Variants in HSD17B14 observed in about 807,000 individuals in gnomAD.
HSD17B14 encodes the protein hydroxysteroid 17-beta dehydrogenase 14, also known as L-fucose dehydrogenase.
Under a neutral mutation model 32.2 loss-of-function variants are expected in HSD17B14, and 32 were observed. The observed-to-expected ratio is 0.99, with a 90% CI of 0.75 to 1.33. The LOEUF (loss-of-function observed/expected upper bound fraction) is 1.33, where lower values mean the gene tolerates loss of function less well. Among genes scored for constraint, HSD17B14 ranks in the 40% most tolerant of loss-of-function variants. The pLI is 0.00. For synonymous variants in HSD17B14, 140 were observed against 155.4 expected (o/e 0.90, Z 0.74); for missense variants, 370 against 366.5 (o/e 1.01, Z -0.08).
intron 5 of HSD17B14, among the ~76,000 whole-genome samples, chr19:48,818,361 C>A (rs1373057219): frequency 2.0e-5 from 3 of 150,844 alleles, no homozygotes; most frequent in Non-Finnish European, 4.4e-5. Flanking sequence ...CTAATATGAA[C>A]GTGAATGATG....
intron 5 of HSD17B14, among the ~76,000 whole-genome samples, chr19:48,817,420 C>A (rs998956713): frequency 3.9e-5 from 6 of 152,078 alleles, no homozygotes; most frequent in Non-Finnish European, 8.8e-5. Context: ...GTCAAGTAAT[C>A]TGCCTGCTTC....
chr19:48,830,308 C>T (rs984859007), intron 5 of HSD17B14, among the ~76,000 whole-genome samples: 3 of 152,120 alleles, frequency 2.0e-5, no homozygotes, highest in Non-Finnish European at 2.9e-5. Context: ...ACCCTAAGCC[C>T]CCGCGTTTCT....
chr19:48,832,845 C>T, intron 3 of HSD17B14, 113 bp from the exon 4 acceptor site: 2 of 876,120 alleles, frequency 2.3e-6, no homozygotes, highest in Non-Finnish European at 3.7e-6. Flanking sequence ...CTTCAGCCTC[C>T]TGCGTTCAAG....
At chr19:48,827,859 C>CTT (rs529419306) in intron 5 of HSD17B14, among the ~76,000 whole-genome samples, 104 of 128,474 alleles carry the variant, frequency 8.1e-4, no homozygotes, top group African/African-American at 2.2e-3. Context: ...TTTTTTTTTT[C>CTT]TTTTTTTTTT....
intron 3 of HSD17B14, 25 bp from the exon 4 acceptor site, chr19:48,832,757 G>A: frequency 7.1e-7 from 1 of 1,413,486 alleles, no homozygotes; most frequent in Non-Finnish European, 9.7e-7. Flanking sequence ...AATGTCCTTT[G>A]TTTTTTTTTT....
chr19:48,820,172 C>T (rs2035121783), intron 5 of HSD17B14, among the ~76,000 whole-genome samples: 1 of 151,130 alleles, frequency 6.6e-6, no homozygotes, highest in Admixed American at 6.6e-5. Context: ...AAAAACAAAC[C>T]GAAAAAGAAC....
chr19:48,834,488 T>TG lies in HSD17B14; in HGVS notation c.128-131dup, dbSNP rs1462408526. 3.3e-3 allele frequency: 1,514 copies of TG among 463,228 alleles called. 1 individual carries two copies. The highest frequency in any genetic ancestry group is 0.012 in the East Asian group (284 of 23,654). 28.7% of individuals were successfully genotyped at this position (463,228 alleles called of 1,614,324 possible). ...CTCCTGGGTCTGAGGGAGGAGGGGC[T>TG]GAGGTCTGGACTCCTGGGTCTGAGG... On this transcript the variant is annotated intron_variant, in intron 2 of 8. Coordinates refer to ENST00000263278, the MANE Select transcript of HSD17B14 (RefSeq NM_016246.3).
At chr19:48,815,801 C>G (rs1170447083) in intron 5 of HSD17B14, among the ~76,000 whole-genome samples, 2 of 151,914 alleles carry the variant, frequency 1.3e-5, no homozygotes, top group East Asian at 1.9e-4. Flanking sequence ...GTGGGTGGAT[C>G]ATCTGAGGTC....
At position 48,831,835 on chromosome 19, in the gene HSD17B14, T is replaced by G. The variant is rs192494470; in HGVS notation, c.278-76A>C. On this transcript the variant is annotated intron_variant, in intron 4 of 8. Transcript: ENST00000263278. ...TTGCCCACGCCTGTAATCCCAGCACTTTGGGAGGCTGAGGCAGGCGGATCA... is the reference window on the plus strand; with the variant it reads ...TTGCCCACGCCTGTAATCCCAGCACGTTGGGAGGCTGAGGCAGGCGGATCA... 26 of 834,886 alleles carry G rather than the reference T, an allele frequency of 3.1e-5. No individual in the cohort carries two copies. The East Asian group carries it at 3.7e-4, about 12-fold the overall frequency. 51.7% of individuals were successfully genotyped at this position (834,886 alleles called of 1,614,324 possible).
At chr19:48,816,207 T>G (rs922677986) in intron 5 of HSD17B14, among the ~76,000 whole-genome samples, 1 of 152,078 alleles carries the variant, frequency 6.6e-6, no homozygotes, top group African/African-American at 2.4e-5. Flanking sequence ...CTTAGAAAGC[T>G]GAGCTGGCCA....
chr19:48,816,932 T>A (rs763182826), intron 5 of HSD17B14, among the ~76,000 whole-genome samples: 2 of 151,444 alleles, frequency 1.3e-5, no homozygotes, highest in Non-Finnish European at 1.5e-5. Flanking sequence ...ACTTCCCAGG[T>A]TCAAGCAATT....
At chr19:48,816,807 C>CTT (rs1247318166) in intron 5 of HSD17B14, among the ~76,000 whole-genome samples, 2 of 118,214 alleles carry the variant, frequency 1.7e-5, no homozygotes, top group African/African-American at 7.3e-5. Context: ...TTCTTTCTTT[C>CTT]TTTCTTTCTT....
At chr19:48,815,822 G>A (rs891459260) in intron 5 of HSD17B14, among the ~76,000 whole-genome samples, 1 of 152,004 alleles carries the variant, frequency 6.6e-6, no homozygotes, top group African/African-American at 2.4e-5. Flanking sequence ...AGAATTTTGA[G>A]ACCAGCCTGG....
chr19:48,832,017 G>A (rs1191822574), intron 4 of HSD17B14, among the ~76,000 whole-genome samples: 2 of 149,064 alleles, frequency 1.3e-5, no homozygotes, highest in Non-Finnish European at 3.0e-5. Flanking sequence ...GGTGCAGGTT[G>A]CAGTGAGCCT....
rs1407321951 is a variant in HSD17B14 at position 48,831,534 on chromosome 19, CAG to C, written c.369+132_369+133del. ...CACCACTGTCCTCCAGCCTGGGCGA[CAG>C]AGAGAGACCCTGTCTCCAACAAACA... On this transcript the variant is annotated intron_variant, in intron 5 of 8. Transcript: ENST00000263278. 6.9e-6 allele frequency: 5 copies of C among 724,248 alleles called. No homozygotes were observed. The Admixed American group carries it at 9.5e-5, about 14-fold the overall frequency. 44.9% of individuals were successfully genotyped at this position (724,248 alleles called of 1,614,324 possible).
intron 5 of HSD17B14, among the ~76,000 whole-genome samples, chr19:48,819,134 G>A (rs1457884853): frequency 1.3e-5 from 2 of 152,044 alleles, no homozygotes; most frequent in East Asian, 1.9e-4. Flanking sequence ...GATTACGGGC[G>A]CCTACCACCA....
At chr19:48,814,793 T>C (rs531027309) in intron 6 of HSD17B14, among the ~76,000 whole-genome samples, 1 of 150,084 alleles carries the variant, frequency 6.7e-6, no homozygotes, top group Admixed American at 6.7e-5. Context: ...GCAGCTGAGA[T>C]TGCACCACTG....
At chr19:48,821,529 C>T (rs2035148178) in intron 5 of HSD17B14, among the ~76,000 whole-genome samples, 1 of 152,148 alleles carries the variant, frequency 6.6e-6, no homozygotes, top group Non-Finnish European at 1.5e-5. Flanking sequence ...CCTGGAGATT[C>T]TAATTCAAGG....
At position 48,813,734 on chromosome 19, in the gene HSD17B14, C is replaced by A. The variant is rs1200184301; in HGVS notation, c.475-4G>T. The stretch of plus-strand genomic sequence containing the variant: ...TGGTCATGGCTGTTACTGCCCCCTG[C>A]AGGAAATGGAGCGGGGAAGAAAGTT... On this transcript the variant is annotated splice_region_variant and splice_polypyrimidine_tract_variant and intron_variant, in intron 6 of 8. Transcript: ENST00000263278. 1 of 1,614,054 alleles carries A rather than the reference C, an allele frequency of 6.2e-7. No homozygotes were observed. Among genetic ancestry groups the A allele is most frequent in the Non-Finnish European group, 8.5e-7 (1 of 1,180,022 alleles).
Sources: gnomAD v4.1 joint callset for allele counts (sites outside exome capture counted in the v4.1 genomes callset) on GRCh38, gnomAD v4.1.1 for gene constraint, MANE v1.5 for transcripts, NCBI Gene and HGNC (gene_info 2026-07-23, HGNC 2026-07-21) for gene names.